TOP3A: variants seen among roughly 807,000 people sequenced by gnomAD.
TOP3A encodes DNA topoisomerase III alpha, also known as DNA topoisomerase 3-alpha.
TOP3A carries 64 observed loss-of-function variants against 111.3 expected under a neutral mutation model. The ratio of observed to expected loss-of-function variants is 0.57; its 90% CI spans 0.47 to 0.71. The LOEUF (loss-of-function observed/expected upper bound fraction) is 0.71. Among genes scored for constraint, TOP3A ranks in the 30% least tolerant of loss-of-function variants. The probability of loss-of-function intolerance (pLI) is 0.00; values close to 1 mark genes in which losing one functional copy is unlikely to be tolerated. For missense variants in TOP3A, 1,104 were observed against 1,285.0 expected (o/e 0.86, Z 2.15); for synonymous variants, 484 against 485.1 (o/e 1.00, Z 0.03).
intron 8 of TOP3A, among the ~76,000 whole-genome samples, 192 bp from the exon 9 acceptor site, chr17:18,299,825 C>T (rs1224781615): frequency 1.3e-5 from 2 of 152,212 alleles, no homozygotes. Flanking sequence ...TCACTACTTT[C>T]CCACTCAAAC....
chr17:18,302,111 A>G, intron 7 of TOP3A, 126 bp from the exon 8 acceptor site: 1 of 1,371,530 alleles, frequency 7.3e-7, no homozygotes. Context: ...TCTGGATAAC[A>G]AAGGGAACTT....
chr17:18,287,596 G>A (rs1333643248), intron 13 of TOP3A, among the ~76,000 whole-genome samples: 9 of 152,038 alleles, frequency 5.9e-5, no homozygotes, highest in African/African-American at 2.2e-4. Flanking sequence ...CATGCCTGTA[G>A]TCCCAGCTAC....
At chr17:18,303,357 A>G (rs997687539) in intron 5 of TOP3A, among the ~76,000 whole-genome samples, 2 of 152,180 alleles carry the variant, frequency 1.3e-5, no homozygotes, top group African/African-American at 4.8e-5. Context: ...GGAAAGACTT[A>G]CAGCCCCCCA....
chr17:18,288,154 T>TATATATATAAA (rs1427846577), intron 13 of TOP3A, among the ~76,000 whole-genome samples: 5 of 132,618 alleles, frequency 3.8e-5, no homozygotes, highest in African/African-American at 1.3e-4. Context: ...TATATAAATT[T>TATATATATAAA]TTTTTTTTTT....
intron 10 of TOP3A, 53 bp downstream of exon 10, chr17:18,294,650 T>G: frequency 7.3e-7 from 1 of 1,376,978 alleles, no homozygotes; most frequent in Non-Finnish European, 1.0e-6. Flanking sequence ...TTCTCAAATA[T>G]TTCATCCTGA....
intron 9 of TOP3A, among the ~76,000 whole-genome samples, chr17:18,296,002 G>A (rs994339216): frequency 9.3e-5 from 14 of 151,250 alleles, no homozygotes; most frequent in Non-Finnish European, 1.9e-4. Context: ...CTCCTACCTC[G>A]TGATCTGCCC....
intron 2 of TOP3A, 73 bp downstream of exon 2, chr17:18,308,809 T>G: frequency 2.0e-6 from 2 of 985,396 alleles, no homozygotes; most frequent in Non-Finnish European, 3.0e-6. Context: ...CAGCGACATA[T>G]TCTACATATG....
Position 18,271,861 on chromosome 17 carries a change from G to A in TOP3A, c.*2941C>T, listed in dbSNP as rs758243347. ...GTAGATCACCTGAGGTCACGAGTTTGAGACCAGCCTGGCCAACATGGTGAA... is the reference window on the plus strand; with the variant it reads ...GTAGATCACCTGAGGTCACGAGTTTAAGACCAGCCTGGCCAACATGGTGAA... On this transcript the variant is annotated 3_prime_UTR_variant, in exon 19 of 19. Coordinates refer to ENST00000321105, the MANE Select transcript of TOP3A (RefSeq NM_004618.5). 7 of 396,140 alleles carry A rather than the reference G, an allele frequency of 1.8e-5. No individual in the cohort carries two copies. The highest frequency in any genetic ancestry group is 1.2e-4 in the South Asian group (7 of 56,642). The allele number at this position is 396,140 out of a possible 1,614,324, so 24.5% of individuals were successfully genotyped here.
At chr17:18,305,489 C>A (rs549351428) in intron 4 of TOP3A, among the ~76,000 whole-genome samples, 3,502 of 122,880 alleles carry the variant, frequency 0.028, 153 homozygotes, top group African/African-American at 0.087. Flanking sequence ...CACACACACG[C>A]GCGCGCGCGC....
At position 18,290,650 on chromosome 17, in the gene TOP3A, G is replaced by A; in HGVS notation, c.1504C>T (p.Pro502Ser). ...CCGTCCACCATCTCCACGGTGCTGG[G>A]CTGAAAGTGGGATCCTTGCTCATAG... The part of the protein sequence containing the change: ...PVYEQGSHFQ[P>S]STVEMVDGET... The change falls in exon 13 of 19, where the codon CCC (proline) becomes TCC (serine). Residue 502 changes from proline (P) to serine (S), a missense_variant. Coordinates refer to ENST00000321105, the MANE Select transcript of TOP3A (RefSeq NM_004618.5). 1 of 1,609,522 alleles carries A rather than the reference G, an allele frequency of 6.2e-7. No individual in the cohort carries two copies. Among genetic ancestry groups the A allele is most frequent in the Non-Finnish European group, 8.5e-7 (1 of 1,176,952 alleles).
intron 17 of TOP3A, chr17:18,280,199 C>G: frequency 6.3e-6 from 1 of 158,932 alleles, no homozygotes; most frequent in Non-Finnish European, 1.4e-5. Flanking sequence ...GAGATGGGGT[C>G]TTGCTACGTA....
chr17:18,291,281 G>C (rs1186478610), intron 11 of TOP3A, among the ~76,000 whole-genome samples: 2 of 152,208 alleles, frequency 1.3e-5, no homozygotes, highest in Non-Finnish European at 2.9e-5. Flanking sequence ...GTGGTTCTTT[G>C]ATGTAAACGC....
Position 18,274,905 on chromosome 17 carries a change from C to G in TOP3A, c.2903G>C (p.Arg968Pro), listed in dbSNP as rs754772043. 6.2e-7 allele frequency: 1 copy of G among 1,614,108 alleles called. No homozygotes were observed. The highest frequency in any genetic ancestry group is 2.2e-5 in the East Asian group (1 of 44,884). ...GGACCCCATGTCTGAGGAACTGGCC[C>G]GGGGCCTTTTGCTTCTGGCTTCCGA... Reference protein sequence around the residue: ...LESEARSKRPRASSSDMGSTA... With the variant: ...LESEARSKRPPASSSDMGSTA... The change falls in exon 19 of 19, where the codon CGG becomes CCG. Residue 968 changes from arginine to proline, a missense_variant. Coordinates refer to ENST00000321105, the MANE Select transcript of TOP3A (RefSeq NM_004618.5).
chr17:18,289,963 T>C (rs1273483965), intron 13 of TOP3A, among the ~76,000 whole-genome samples: 1 of 152,084 alleles, frequency 6.6e-6, no homozygotes, highest in Non-Finnish European at 1.5e-5. Flanking sequence ...CAAAAACGAA[T>C]GGAGGGGACA....
chr17:18,282,956 C>T (rs1796450232), intron 15 of TOP3A, 115 bp from the exon 16 acceptor site: 11 of 1,351,898 alleles, frequency 8.1e-6, no homozygotes, highest in South Asian at 2.6e-5. Context: ...GTCAGTGAGC[C>T]GCAGGCCTCC....
rs776115581 is a variant in TOP3A, at chr17:18,285,208, A to G, written c.1811T>C (p.Val604Ala). 124 of 1,614,036 alleles carry G rather than the reference A, an allele frequency of 7.7e-5. No individual in the cohort carries two copies. Among genetic ancestry groups the G allele is most frequent in the Admixed American group, 1.2e-4 (7 of 59,996 alleles). ...TTTCTGCACTTGCTGCCTTAGAACCACAAATTTGTCCTTTTTGCCATCACA... is the reference window on the plus strand; with the variant it reads ...TTTCTGCACTTGCTGCCTTAGAACCGCAAATTTGTCCTTTTTGCCATCACA... Reference protein sequence around the residue: ...LICDGKKDKFVVLRQQVQKYK... With the variant: ...LICDGKKDKFAVLRQQVQKYK... The change falls in exon 15 of 19, where the codon GTG becomes GCG. Residue 604 changes from valine (V) to alanine (A), a missense_variant. Val to Ala is a moderately conservative substitution (Grantham distance 64, BLOSUM62 0). Coordinates refer to ENST00000321105, the MANE Select transcript of TOP3A (RefSeq NM_004618.5).
chr17:18,278,848 C>T (rs540497493), intron 17 of TOP3A, among the ~76,000 whole-genome samples: 2 of 152,252 alleles, frequency 1.3e-5, no homozygotes, highest in African/African-American at 4.8e-5. Context: ...CATGGTGGCA[C>T]GCGCCTGTAG....
Position 18,290,522 on chromosome 17 carries a change from T to G in TOP3A, c.1597+35A>C, listed in dbSNP as rs750243893. ...TACCTGGTACACTGTAAGCCTTAGC[T>G]CAAGAGATGCGAGTTACCCAGAGGA... On this transcript the variant is annotated intron_variant, in intron 13 of 18. Transcript: ENST00000321105. 3 of 1,528,806 alleles carry G rather than the reference T, an allele frequency of 2.0e-6. No individual in the cohort carries two copies. In the South Asian group the frequency reaches 3.9e-5, roughly 20 times the overall value. 94.7% of individuals were successfully genotyped at this position (1,528,806 alleles called of 1,614,324 possible).
intron 18 of TOP3A, among the ~76,000 whole-genome samples, chr17:18,275,693 G>A (rs1376572600): frequency 7.8e-6 from 1 of 128,168 alleles, no homozygotes; most frequent in Non-Finnish European, 1.6e-5. Flanking sequence ...TGGCTCTGTC[G>A]CCTAGGCTGG....
Sources: gnomAD v4.1 joint callset for allele counts (sites outside exome capture counted in the v4.1 genomes callset) on GRCh38, gnomAD v4.1.1 for gene constraint, MANE v1.5 for transcripts, NCBI Gene and HGNC (gene_info 2026-07-23, HGNC 2026-07-21) for gene names.